Variants in CELF5 observed in about 807,000 individuals in gnomAD.
CELF5 encodes CUG-BP and ETR-3 like factor 5.
A neutral mutation model predicts 54.9 loss-of-function variants in CELF5; 6 were observed. The ratio of observed to expected loss-of-function variants is 0.11; its 90% CI spans 0.06 to 0.22. The LOEUF (loss-of-function observed/expected upper bound fraction) is 0.22, where lower values mean the gene tolerates loss of function less well. Among genes scored for constraint, CELF5 ranks in the 10% least tolerant of loss-of-function variants. The pLI is 1.00. For synonymous variants in CELF5, 271 were observed against 290.9 expected (o/e 0.93, Z 0.70); for missense variants, 401 against 678.6 (o/e 0.59, Z 4.54).
intron 3 of CELF5, among the ~76,000 whole-genome samples, chr19:3,274,885 T>C (rs2080022167): frequency 6.6e-6 from 1 of 151,712 alleles, no homozygotes; most frequent in Non-Finnish European, 1.5e-5. Context: ...ATGTCTCCAT[T>C]TTTGTCTCTA....
intron 1 of CELF5, among the ~76,000 whole-genome samples, chr19:3,249,132 G>A (rs528005692): frequency 1.3e-5 from 2 of 151,782 alleles, no homozygotes; most frequent in African/African-American, 2.4e-5. Context: ...AGTGGACACC[G>A]TGGAGCTCCG....
chr19:3,233,576 G>T (rs1487724574), intron 1 of CELF5, among the ~76,000 whole-genome samples: 1 of 152,160 alleles, frequency 6.6e-6, no homozygotes, highest in Non-Finnish European at 1.5e-5. Context: ...CAAGGGAAAG[G>T]CGTTCCAGGA....
rs570793774 is a variant in CELF5 at position 3,281,070 on chromosome 19, G to A, written c.604-129G>A. The A allele has an allele frequency of 1.9e-4, 219 of 1,137,034 alleles. No homozygotes were observed. In the African/African-American group the frequency reaches 2.5e-3, roughly 13 times the overall value. The allele number at this position is 1,137,034 out of a possible 1,614,324, so 70.4% of individuals were successfully genotyped here. A position where few individuals can be genotyped will look rare whatever the true frequency, so the allele number is the denominator to read the frequency against. On this transcript the variant is annotated intron_variant, in intron 5 of 12. Coordinates refer to ENST00000292672, the MANE Select transcript of CELF5 (RefSeq NM_021938.4). This position sits in a 1 kb window ranked among gnomAD's most constrained non-coding sequence, Gnocchi z 6.5. Reference sequence around the variant, plus strand: ...CCTGGCTCCTGGGGTGGGGGCCCGTGGACATGGCTGACAGCCACTGGCATT... The same window carrying A: ...CCTGGCTCCTGGGGTGGGGGCCCGTAGACATGGCTGACAGCCACTGGCATT...
chr19:3,251,049 G>T lies in CELF5; in HGVS notation c.324G>T (p.Glu108Asp). ...SAIKAQTALHEQKTLPGMARP... is the reference protein window; with the variant it reads ...SAIKAQTALHDQKTLPGMARP... The stretch of plus-strand genomic sequence containing the variant: ...TCAAAGCTCAGACTGCCCTGCACGA[G>T]CAGAAGACCTTGCCCGGAGTGAGTC... The change falls in exon 2 of 13, where the codon GAG becomes GAT. Residue 108 changes from glutamate to aspartate, a missense_variant. Coordinates refer to ENST00000292672, the MANE Select transcript of CELF5 (RefSeq NM_021938.4). 1 of 1,614,008 alleles carries T rather than the reference G, an allele frequency of 6.2e-7. No homozygotes were observed. The highest frequency in any genetic ancestry group is 8.5e-7 in the Non-Finnish European group (1 of 1,179,908).
At chr19:3,289,256 TAAA>T (rs911541066) in intron 10 of CELF5, among the ~76,000 whole-genome samples, 2 of 152,012 alleles carry the variant, frequency 1.3e-5, no homozygotes, top group Non-Finnish European at 2.9e-5. Context: ...AGGGAAATAA[TAAA>T]AAAAATTTTT....
chr19:3,295,963 G>A (rs528154320), intron 12 of CELF5: 1 of 152,404 alleles, frequency 6.6e-6, no homozygotes, highest in East Asian at 1.9e-4. Context: ...CTTGTAACCA[G>A]GATTGCCAAG....
chr19:3,233,753 T>C (rs895924657), intron 1 of CELF5, among the ~76,000 whole-genome samples: 1 of 152,112 alleles, frequency 6.6e-6, no homozygotes, highest in Non-Finnish European at 1.5e-5. Flanking sequence ...TTGGAAGGAC[T>C]TTGGTTTTTA....
intron 1 of CELF5, among the ~76,000 whole-genome samples, chr19:3,242,792 C>A (rs557865583): frequency 5.3e-5 from 8 of 151,740 alleles, no homozygotes; most frequent in Non-Finnish European, 1.0e-4. Flanking sequence ...GGCAACAGAG[C>A]AAGACTCTAT....
Position 3,228,617 on chromosome 19 carries a change from G to T in CELF5, c.259+3619G>T, listed in dbSNP as rs1004230120. Among the ~76,000 whole-genome samples, 4 of 149,678 alleles carry T rather than the reference G, an allele frequency of 2.7e-5. No homozygotes were observed. The highest frequency in any genetic ancestry group is 7.4e-5 in the African/African-American group (3 of 40,370). On this transcript the variant is annotated intron_variant, in intron 1 of 12. Coordinates refer to ENST00000292672, the MANE Select transcript of CELF5 (RefSeq NM_021938.4). The surrounding 1 kb of genome is among the most constrained non-coding windows in gnomAD (Gnocchi z 6.0). ...GTTGCGCTGGGGGACGGTGCAGGTG[G>T]GGGGGGGGCCCGGCGGGGGCCCGGG...
At chr19:3,238,180 C>T (rs1384173439) in intron 1 of CELF5, among the ~76,000 whole-genome samples, 1 of 152,114 alleles carries the variant, frequency 6.6e-6, no homozygotes, top group African/African-American at 2.4e-5. Context: ...CATGGCGAAA[C>T]CCCCTCTCTA....
intron 11 of CELF5, among the ~76,000 whole-genome samples, chr19:3,291,991 G>A (rs2080358221): frequency 6.6e-6 from 1 of 152,086 alleles, no homozygotes; most frequent in African/African-American, 2.4e-5. Flanking sequence ...TTGTTGCCCA[G>A]GCTGGAGTGC....
chr19:3,282,480 G>T lies in CELF5; in HGVS notation c.1021G>T (p.Gly341Cys). Residue 341 changes from glycine (G) to cysteine (C), a missense_variant, in exon 8 of 13, where the codon GGC becomes TGC. By Grantham distance (159) the Gly-to-Cys change is radical (BLOSUM62 -3). Around this residue, in one of 6 missense-constraint regions of CELF5, gnomAD observed 143 missense variants for 147.6 expected, o/e 0.97. Coordinates refer to ENST00000292672, the MANE Select transcript of CELF5 (RefSeq NM_021938.4). This position sits in a 1 kb window ranked among gnomAD's most constrained non-coding sequence, Gnocchi z 5.2. ...HPALETVYAN[G>C]LVPYPAQSPT... ...TGCCCTGGAAACCGTCTATGCCAAT[G>T]GCCTTGTGCCCTACCCAGGTAAATT... 1 of 1,613,334 alleles carries T rather than the reference G, an allele frequency of 6.2e-7. No homozygotes were observed. The highest frequency in any genetic ancestry group is 8.5e-7 in the Non-Finnish European group (1 of 1,179,834).
chr19:3,271,795 A>G (rs12462704), intron 2 of CELF5, among the ~76,000 whole-genome samples: 96,229 of 151,564 alleles, frequency 0.63, 31,417 homozygotes, highest in East Asian at 0.8. Context: ...AAGAGTGGGC[A>G]CGGAGCTGGA....
chr19:3,292,550 C>T (rs1183289734), intron 11 of CELF5, among the ~76,000 whole-genome samples: 2 of 152,138 alleles, frequency 1.3e-5, no homozygotes, highest in African/African-American at 2.4e-5. Context: ...TCCCAAGGTG[C>T]TGGGATTACA....
At chr19:3,259,857 A>G (rs943680872) in intron 2 of CELF5, among the ~76,000 whole-genome samples, 3 of 152,118 alleles carry the variant, frequency 2.0e-5, no homozygotes, top group Non-Finnish European at 4.4e-5. Context: ...GCCCGACTCC[A>G]GAGAACGATC....
In CELF5 at chr19:3,239,231, C is replaced by T. The variant is rs1050301559; in HGVS notation, c.260-11754C>T. 9.9e-5 allele frequency among the ~76,000 whole-genome samples: 15 copies of T among 151,994 alleles called. 1 individual carries two copies. The highest frequency in any genetic ancestry group is 7.9e-4 in the Admixed American group (12 of 15,234). ...CCTCCCGCCTCAGCCCGTTTAGTAG[C>T]TGGAACTACAGGTGTGAACCACCAC... On this transcript the variant is annotated intron_variant, in intron 1 of 12. Transcript: ENST00000292672.
chr19:3,242,210 G>T (rs2079500655), intron 1 of CELF5, among the ~76,000 whole-genome samples: 2 of 152,156 alleles, frequency 1.3e-5, no homozygotes, highest in East Asian at 3.8e-4. Context: ...TTAGTGCATG[G>T]TCTGCAGAGC....
intron 2 of CELF5, among the ~76,000 whole-genome samples, chr19:3,271,060 CT>C (rs1393624147): frequency 1.3e-5 from 2 of 152,116 alleles, no homozygotes; most frequent in Admixed American, 6.5e-5. Flanking sequence ...GGGCTCGCCC[CT>C]AAGAGGCGGT....
Position 3,275,806 on chromosome 19 carries a change from G to T in CELF5, c.395-50G>T. The T allele has an allele frequency of 6.4e-7, 1 of 1,568,954 alleles. No homozygotes were observed. Reference sequence around the variant, plus strand: ...CTGGAGGGAGGGAGGAATCCCGGAGGCCCTCCCGGAGGCCGGGGACTCGGC... The same window carrying T: ...CTGGAGGGAGGGAGGAATCCCGGAGTCCCTCCCGGAGGCCGGGGACTCGGC... On this transcript the variant is annotated intron_variant, in intron 3 of 12. Transcript: ENST00000292672. The surrounding 1 kb of genome is among the most constrained non-coding windows in gnomAD (Gnocchi z 6.7).
Sources: gnomAD v4.1 joint callset for allele counts (sites outside exome capture counted in the v4.1 genomes callset) on GRCh38, gnomAD v4.1.1 for gene constraint, gnomAD v4.1.1 regional missense constraint, Gnocchi (gnomAD v3.1) non-coding constraint, MANE v1.5 for transcripts, NCBI Gene and HGNC (gene_info 2026-07-23, HGNC 2026-07-21) for gene names.